ATG2B: variants seen among roughly 807,000 people sequenced by gnomAD.
ATG2B encodes the protein autophagy related 2B, also known as autophagy-related protein 2 homolog B.
A neutral mutation model predicts 241.3 loss-of-function variants in ATG2B; 121 were observed. The observed-to-expected ratio is 0.50, with a 90% CI of 0.43 to 0.58. The LOEUF (loss-of-function observed/expected upper bound fraction) is 0.58. ATG2B is among the 20% of genes least tolerant of loss of function. The probability of loss-of-function intolerance (pLI) is 0.00; values close to 1 mark genes in which losing one functional copy is unlikely to be tolerated. For synonymous variants in ATG2B, 858 were observed against 876.6 expected (o/e 0.98, Z 0.37); for missense variants, 2,306 against 2,491.6 (o/e 0.93, Z 1.59).
intron 29 of ATG2B, among the ~76,000 whole-genome samples, chr14:96,308,219 A>AATATATATACATATATATATAT: frequency 1.4e-5 from 1 of 74,036 alleles, no homozygotes; most frequent in South Asian, 4.1e-4. Flanking sequence ...TAAATACATA[A>AATATATATACATATATATATAT]ATATATATAT....
Position 96,352,890 on chromosome 14 carries a change from C to G in ATG2B, c.163-5549G>C, listed in dbSNP as rs138085509. Among the ~76,000 whole-genome samples, 820 of 152,242 alleles carry G rather than the reference C, an allele frequency of 5.4e-3. 27 individuals are homozygous for G. In the South Asian group the frequency reaches 0.067, roughly 13 times the overall value. ...TGTTTATAAAGTCTACAGTAGTGGACAGTGATGTCCTAGGCCTTCACATTC... is the reference window on the plus strand; with the variant it reads ...TGTTTATAAAGTCTACAGTAGTGGAGAGTGATGTCCTAGGCCTTCACATTC... On this transcript the variant is annotated intron_variant, in intron 1 of 41. Transcript: ENST00000359933.
intron 14 of ATG2B, 59 bp downstream of exon 14, chr14:96,328,288 C>A: frequency 8.3e-7 from 1 of 1,210,018 alleles, no homozygotes. Context: ...GAAATTATCT[C>A]AATAACCCTA....
intron 21 of ATG2B, among the ~76,000 whole-genome samples, chr14:96,316,250 T>C (rs1887307872): frequency 6.6e-6 from 1 of 152,176 alleles, no homozygotes; most frequent in Non-Finnish European, 1.5e-5. Flanking sequence ...TGTTTTAAAA[T>C]TGACTATGGT....
At chr14:96,333,916 G>A in intron 7 of ATG2B, 43 bp from the exon 8 acceptor site, 1 of 1,549,860 alleles carries the variant, frequency 6.5e-7, no homozygotes, top group African/African-American at 1.4e-5. Context: ...ATTAAATTTG[G>A]AGTTAATTAA....
chr14:96,340,139 ATATATATGAATATATATATCATATATG>A (rs1887986582), intron 6 of ATG2B, among the ~76,000 whole-genome samples: 3 of 75,122 alleles, frequency 4.0e-5, no homozygotes, highest in African/African-American at 1.1e-4. Context: ...ATCATATATG[ATATATATGAATATATATATCATATATG>A]ATATATATTC....
At position 96,331,437 on chromosome 14, in the gene ATG2B, T is replaced by C. The variant is rs780443077; in HGVS notation, c.1669A>G (p.Thr557Ala). 23 of 1,614,002 alleles carry C rather than the reference T, an allele frequency of 1.4e-5. No individual in the cohort carries two copies. Among genetic ancestry groups the C allele is most frequent in the East Asian group, 2.2e-5 (1 of 44,876 alleles). Residue 557 changes from threonine (T) to alanine (A), a missense_variant, in exon 11 of 42, where the codon ACA becomes GCA. Physicochemically the swap from Thr to Ala is moderately conservative, Grantham distance 58. Transcript: ENST00000359933. ...IEKIDPARFS[T>A]EDFKSFRAVF... ...GCTCGGAAAGACTTAAAATCTTCTGTTGAAAATCTTGCTGGATCAATCTTT... is the reference window on the plus strand; with the variant it reads ...GCTCGGAAAGACTTAAAATCTTCTGCTGAAAATCTTGCTGGATCAATCTTT...
chr14:96,349,998 A>G (rs984113311), intron 1 of ATG2B, among the ~76,000 whole-genome samples: 2 of 152,154 alleles, frequency 1.3e-5, no homozygotes, highest in Non-Finnish European at 2.9e-5. Context: ...TCTACAAGAA[A>G]TTCAAAAATT....
chr14:96,337,979 A>G (rs1431826831), intron 6 of ATG2B, among the ~76,000 whole-genome samples: 1 of 152,050 alleles, frequency 6.6e-6, no homozygotes, highest in East Asian at 1.9e-4. Flanking sequence ...ACTTGTAGAG[A>G]GATTCAGCTC....
At chr14:96,315,270 C>G (rs1314574748) in intron 22 of ATG2B, 36 bp from the exon 23 acceptor site, 1 of 1,586,254 alleles carries the variant, frequency 6.3e-7, no homozygotes, top group Non-Finnish European at 8.6e-7. Flanking sequence ...CATTTACCAC[C>G]TATGTAATCC....
At position 96,304,540 on chromosome 14, in the gene ATG2B, T is replaced by C; in HGVS notation, c.4797A>G (p.Gly1599=). The part of the protein sequence containing the change: ...TRHGRNTVCG[G]KGRNHDFLME... ...TTAAAAAGTCATGGTTCCTTCCTTT[T>C]CCCCCACATACTGTATTACGTCCAT... Residue 1599 remains glycine (G), a synonymous_variant, in exon 32 of 42, where the codon GGA becomes GGG. Transcript: ENST00000359933. 2 of 1,610,870 alleles carry C rather than the reference T, an allele frequency of 1.2e-6. No homozygotes were observed. Among genetic ancestry groups the C allele is most frequent in the Non-Finnish European group, 8.5e-7 (1 of 1,178,880 alleles).
Position 96,293,714 on chromosome 14 carries a change from G to C in ATG2B, c.5426+1246C>G, listed in dbSNP as rs143938995. On this transcript the variant is annotated intron_variant, in intron 36 of 41. Coordinates refer to ENST00000359933, the MANE Select transcript of ATG2B (RefSeq NM_018036.7). The stretch of plus-strand genomic sequence containing the variant: ...ACTATGGCACTGATTAGGAGCCTTT[G>C]AGAGTACAAATGAAAATCTATAAGC... 5.2e-3 allele frequency among the ~76,000 whole-genome samples: 799 copies of C among 152,296 alleles called. 3 individuals are homozygous for C. Among genetic ancestry groups the C allele is most frequent in the Non-Finnish European group, 7.8e-3 (530 of 68,028 alleles).
In ATG2B at chr14:96,334,566, A is replaced by G. The variant is rs188447379; in HGVS notation, c.925-65T>C. The G allele has an allele frequency of 5.0e-3, 4,545 of 917,954 alleles. 23 individuals carry two copies. The highest frequency in any genetic ancestry group is 6.3e-3 in the Non-Finnish European group (3,796 of 599,786). 56.9% of individuals were successfully genotyped at this position (917,954 alleles called of 1,614,324 possible). A position where few individuals can be genotyped will look rare whatever the true frequency, so the allele number is the denominator to read the frequency against. ...TTATAACCTTATCACCATAAACGTC[A>G]GTATATTTTAATGAACTGAGATGAA... On this transcript the variant is annotated intron_variant, in intron 6 of 41. Transcript: ENST00000359933.
chr14:96,342,717 CAA>C (rs11290481), intron 5 of ATG2B, among the ~76,000 whole-genome samples: 28 of 103,012 alleles, frequency 2.7e-4, no homozygotes, highest in Admixed American at 3.4e-4. Flanking sequence ...AGACTCTCTC[CAA>C]AAAAAAAAAA....
intron 41 of ATG2B, among the ~76,000 whole-genome samples, chr14:96,286,561 C>T (rs1488008276): frequency 1.3e-5 from 2 of 152,118 alleles, no homozygotes; most frequent in South Asian, 2.1e-4. Flanking sequence ...TAGCATTTTC[C>T]ATCTTTCTCA....
At chr14:96,292,541 C>A (rs1595292425) in intron 36 of ATG2B, among the ~76,000 whole-genome samples, 1 of 152,154 alleles carries the variant, frequency 6.6e-6, no homozygotes. Flanking sequence ...AAAGAGAAGG[C>A]CTAAGGAATT....
chr14:96,362,389 A>G (rs894403242), intron 1 of ATG2B, among the ~76,000 whole-genome samples: 2 of 152,140 alleles, frequency 1.3e-5, no homozygotes, highest in Admixed American at 6.5e-5. Flanking sequence ...CCCAAAACAA[A>G]TAACTAGGGA....
Position 96,305,611 on chromosome 14 carries a change from T to C in ATG2B, c.4711A>G (p.Thr1571Ala). The C allele has an allele frequency of 6.2e-7, 1 of 1,612,210 alleles. No individual in the cohort carries two copies. Among genetic ancestry groups the C allele is most frequent in the East Asian group, 2.2e-5 (1 of 44,846 alleles). The change falls in exon 31 of 42, where the codon ACT (threonine) becomes GCT (alanine). Residue 1571 changes from threonine to alanine, a missense_variant. Physicochemically the swap from Thr to Ala is moderately conservative, Grantham distance 58 (BLOSUM62 0). Around this residue, in one of 2 missense-constraint regions of ATG2B, gnomAD observed 1,927 missense variants for 2,011.2 expected, o/e 0.96. Transcript: ENST00000359933. ...TACATATAACTTTTAGCCGGAGAAG[T>C]GGGAGGGACTATTCCAAAATCCTTT... Reference protein sequence around the residue: ...GGKDFGIVPPTSPAKSYISPH... With the variant: ...GGKDFGIVPPASPAKSYISPH...
chr14:96,323,515 T>C (rs1887511270), intron 16 of ATG2B, among the ~76,000 whole-genome samples: 1 of 152,250 alleles, frequency 6.6e-6, no homozygotes, highest in African/African-American at 2.4e-5. Context: ...ACAGGCTTTT[T>C]TCCTAATTGA....
At chr14:96,336,912 T>A (rs1327980513) in intron 6 of ATG2B, among the ~76,000 whole-genome samples, 3 of 152,216 alleles carry the variant, frequency 2.0e-5, no homozygotes, top group Non-Finnish European at 4.4e-5. Context: ...GACAGAGCAG[T>A]AAACAGAAGG....
Sources: gnomAD v4.1 joint callset for allele counts (sites outside exome capture counted in the v4.1 genomes callset) on GRCh38, gnomAD v4.1.1 for gene constraint, gnomAD v4.1.1 regional missense constraint, MANE v1.5 for transcripts, NCBI Gene and HGNC (gene_info 2026-07-23, HGNC 2026-07-21) for gene names.